Variants in PLEKHM1 observed in about 807,000 individuals in gnomAD.
PLEKHM1 encodes the protein pleckstrin homology and RUN domain containing M1.
A neutral mutation model predicts 94.3 loss-of-function variants in PLEKHM1; 28 were observed. The ratio of observed to expected loss-of-function variants is 0.30; its 90% confidence interval spans 0.22 to 0.41. PLEKHM1 has a LOEUF of 0.41. Among genes scored for constraint, PLEKHM1 ranks in the 10% least tolerant of loss-of-function variants. The pLI is 1.00. For synonymous variants in PLEKHM1, 424 were observed against 581.2 expected, an observed-to-expected ratio of 0.73 and a Z score of 3.89; for missense variants, 907 against 1,358.6, an observed-to-expected ratio of 0.67 and a Z score of 5.22.
At chr17:45,468,658 G>A in intron 4 of PLEKHM1, 65 bp from the exon 5 acceptor site, 5 of 1,536,890 alleles carry the variant, frequency 3.3e-6, no homozygotes, top group Non-Finnish European at 4.5e-6. Flanking sequence ...AGGCAACTGG[G>A]GCAGAGGGAA....
intron 1 of PLEKHM1, chr17:45,487,778 C>T (rs1180188042): frequency 6.6e-6 from 3 of 456,010 alleles, no homozygotes; most frequent in Admixed American, 4.7e-5. Flanking sequence ...AAACACTCCA[C>T]CATCAGTGAA....
chr17:45,461,531 A>G (rs1002519473), intron 5 of PLEKHM1, among the ~76,000 whole-genome samples: 2 of 152,096 alleles, frequency 1.3e-5, no homozygotes, highest in African/African-American at 4.8e-5. Flanking sequence ...TCTTACATTT[A>G]GGTTTCTGGT....
chr17:45,438,457 G>C (rs552676413), intron 11 of PLEKHM1, among the ~76,000 whole-genome samples: 1 of 151,808 alleles, frequency 6.6e-6, no homozygotes, highest in East Asian at 2.0e-4. Flanking sequence ...GCATGAACCC[G>C]GGAGGCAGAG....
chr17:45,488,672 C>T (rs2052208049), intron 1 of PLEKHM1, among the ~76,000 whole-genome samples: 2 of 152,198 alleles, frequency 1.3e-5, no homozygotes, highest in South Asian at 4.1e-4. Flanking sequence ...GGTGCGGCGG[C>T]TCACGCCCGT....
intron 6 of PLEKHM1, among the ~76,000 whole-genome samples, chr17:45,455,954 C>T (rs953007784): frequency 1.8e-4 from 28 of 152,308 alleles, no homozygotes; most frequent in Middle Eastern, 3.4e-3. Flanking sequence ...CTCACTGCCA[C>T]GCCCCCATCT....
At chr17:45,458,044 A>C (rs545304105) in intron 6 of PLEKHM1, 125 bp downstream of exon 6, 23 of 704,106 alleles carry the variant, frequency 3.3e-5, no homozygotes, top group Middle Eastern at 3.7e-4. Context: ...TTCTGGAATG[A>C]GGTTTTATAA....
intron 8 of PLEKHM1, among the ~76,000 whole-genome samples, chr17:45,448,691 A>G (rs999493208): frequency 6.6e-6 from 1 of 152,166 alleles, no homozygotes; most frequent in Non-Finnish European, 1.5e-5. Context: ...CCCTCCCAAC[A>G]ACCCCGACAC....
chr17:45,436,818 C>G lies in PLEKHM1; in HGVS notation c.*1040G>C, dbSNP rs1317977327. 6 of 454,176 alleles carry G rather than the reference C, an allele frequency of 1.3e-5. No homozygotes were observed. Among genetic ancestry groups the G allele is most frequent in the Admixed American group, 9.4e-5 (4 of 42,584 alleles). The allele number at this position is 454,176 out of a possible 1,614,324, so 28.1% of individuals were successfully genotyped here. On this transcript the variant is annotated 3_prime_UTR_variant, in exon 12 of 12. Transcript: ENST00000430334. ...CCACAGGGCAGTTCCCCCGCACGCC[C>G]TGCACAGCTTAGGACCAGGTCACTT...
chr17:45,436,869 T>C lies in PLEKHM1; in HGVS notation c.*989A>G. On this transcript the variant is annotated 3_prime_UTR_variant, in exon 12 of 12. Transcript: ENST00000430334. ...CTCCACAGTGCAGGGCGTGGCTGCC[T>C]GCCCTCTCTGGGGTCCTGCCTATCT... The C allele has an allele frequency of 2.2e-6, 1 of 453,408 alleles. No individual in the cohort carries two copies. Among genetic ancestry groups the C allele is most frequent in the Non-Finnish European group, 4.4e-6 (1 of 226,126 alleles). 28.1% of individuals were successfully genotyped at this position (453,408 alleles called of 1,614,324 possible). A position where few individuals can be genotyped will look rare whatever the true frequency, so the allele number is the denominator to read the frequency against.
intron 5 of PLEKHM1, among the ~76,000 whole-genome samples, chr17:45,464,918 T>C (rs2051274623): frequency 6.6e-6 from 1 of 152,164 alleles, no homozygotes; most frequent in South Asian, 2.1e-4. Flanking sequence ...TCCAGTCCCC[T>C]TGACTTATCT....
intron 4 of PLEKHM1, among the ~76,000 whole-genome samples, chr17:45,469,346 C>T (rs2051423812): frequency 1.3e-5 from 2 of 152,206 alleles, no homozygotes; most frequent in Admixed American, 6.5e-5. Context: ...CCTTGGTACA[C>T]GTGCATGCAC....
intron 5 of PLEKHM1, among the ~76,000 whole-genome samples, chr17:45,459,053 G>A (rs1481193217): frequency 1.3e-5 from 2 of 152,028 alleles, no homozygotes; most frequent in Non-Finnish European, 2.9e-5. Flanking sequence ...GCTTGAGCCA[G>A]GGAGGTCAAG....
At chr17:45,465,197 T>C (rs1439834787) in intron 5 of PLEKHM1, among the ~76,000 whole-genome samples, 2 of 151,688 alleles carry the variant, frequency 1.3e-5, no homozygotes, top group Non-Finnish European at 2.9e-5. Flanking sequence ...CTCTGTATCA[T>C]AGAGCTAATA....
In PLEKHM1 at chr17:45,453,137, C is replaced by T. The variant is rs1337879404; in HGVS notation, c.2497+218G>A. ...TCAGTGGGAGGTGGCAGGAGAGGGA[C>T]GGGTGAGCAGGGCCCACTGCCTATG... is the stretch of plus-strand genomic sequence containing the variant. On this transcript the variant is annotated intron_variant, in intron 7 of 11. Coordinates refer to ENST00000430334, the MANE Select transcript of PLEKHM1 (RefSeq NM_014798.3). This position sits in a 1 kb window ranked among gnomAD's most constrained non-coding sequence, Gnocchi z 4.1. 3.2e-5 allele frequency: 20 copies of T among 621,578 alleles called. No individual in the cohort carries two copies. Among genetic ancestry groups the T allele is most frequent in the East Asian group, 5.5e-5 (2 of 36,374 alleles). 38.5% of individuals were successfully genotyped at this position (621,578 alleles called of 1,614,324 possible).
At chr17:45,471,481 G>A (rs992213232) in intron 4 of PLEKHM1, among the ~76,000 whole-genome samples, 35 of 151,716 alleles carry the variant, frequency 2.3e-4, no homozygotes, top group Non-Finnish European at 2.9e-5. Flanking sequence ...TGTCTACCCA[G>A]GCTGGGCATG....
chr17:45,480,529 G>A (rs893555804), intron 2 of PLEKHM1, among the ~76,000 whole-genome samples: 1 of 152,046 alleles, frequency 6.6e-6, no homozygotes, highest in Non-Finnish European at 1.5e-5. Flanking sequence ...CAAAAAAAAC[G>A]ATTTTCATCA....
chr17:45,479,688 AAAAACAAAAC>A (rs56104486), intron 2 of PLEKHM1, among the ~76,000 whole-genome samples: 47 of 151,336 alleles, frequency 3.1e-4, no homozygotes, highest in African/African-American at 5.1e-4. Context: ...TCCATCTCAG[AAAAACAAAAC>A]AAAACAAAAC....
At chr17:45,450,523 G>A (rs929826941) in intron 8 of PLEKHM1, 95 bp downstream of exon 8, 1 of 1,527,182 alleles carries the variant, frequency 6.5e-7, no homozygotes, top group Non-Finnish European at 8.9e-7. Context: ...TTGTTTAGAG[G>A]AGCCAAACTC....
chr17:45,459,875 C>T (rs2051100887), intron 5 of PLEKHM1: 1 of 144,628 alleles, frequency 6.9e-6, no homozygotes, highest in Non-Finnish European at 1.5e-5. Flanking sequence ...ATTGTGACCC[C>T]CCCACAAAAG....
Sources: gnomAD v4.1 joint callset for allele counts (sites outside exome capture counted in the v4.1 genomes callset) on GRCh38, gnomAD v4.1.1 for gene constraint, Gnocchi (gnomAD v3.1) non-coding constraint, MANE v1.5 for transcripts, NCBI Gene and HGNC (gene_info 2026-07-23, HGNC 2026-07-21) for gene names.